SLCO1B1: variants seen among roughly 807,000 people sequenced by gnomAD.
The protein encoded by SLCO1B1 is OATP-2.
Under a neutral mutation model 70.1 loss-of-function variants are expected in SLCO1B1, and 81 were observed. The ratio of observed to expected loss-of-function variants is 1.16; its 90% CI spans 0.97 to 1.39. The LOEUF (loss-of-function observed/expected upper bound fraction) is 1.39, where lower values mean the gene tolerates loss of function less well. Among genes scored for constraint, SLCO1B1 ranks in the 40% most tolerant of loss-of-function variants. The pLI is 0.00. For synonymous variants in SLCO1B1, 283 were observed against 271.5 expected (o/e 1.04, Z -0.42); for missense variants, 895 against 799.6 (o/e 1.12, Z -1.44).
intron 1 of SLCO1B1, among the ~76,000 whole-genome samples, chr12:21,134,381 T>C (rs2121021789): frequency 6.6e-6 from 1 of 152,336 alleles, no homozygotes; most frequent in Non-Finnish European, 1.5e-5. Context: ...TCTTTTTCTA[T>C]TGATTGGAAT....
intron 11 of SLCO1B1, among the ~76,000 whole-genome samples, chr12:21,207,867 AT>A (rs1173195372): frequency 6.6e-6 from 1 of 150,726 alleles, no homozygotes; most frequent in Admixed American, 6.6e-5. Flanking sequence ...TCTCCTTGGG[AT>A]TTTGATTTGC....
chr12:21,178,259 G>A (rs1285296896), intron 5 of SLCO1B1, among the ~76,000 whole-genome samples: 1 of 152,046 alleles, frequency 6.6e-6, no homozygotes, highest in Non-Finnish European at 1.5e-5. Context: ...AAGCTCTCTT[G>A]CCTGCCACCA....
Position 21,202,599 on chromosome 12 carries a change from CT to C in SLCO1B1, c.1245del (p.Val416Ter). Reference sequence around the variant, plus strand: ...ATTGCCAAATTCTCATGTTTTACTGCTGTGATGTCATTGTCCTTTTACCTAT... The same window carrying C: ...ATTGCCAAATTCTCATGTTTTACTGCGTGATGTCATTGTCCTTTTACCTAT... The part of the protein sequence containing the change: ...VGIAKFSCFT[A>X]VMSLSFYLLY... On this transcript the variant is annotated frameshift_variant, in exon 10 of 15. Transcript: ENST00000256958. LOFTEE classifies it high-confidence loss of function. 3 of 1,612,424 alleles carry C rather than the reference CT, an allele frequency of 1.9e-6. No homozygotes were observed. The highest frequency in any genetic ancestry group is 2.5e-6 in the Non-Finnish European group (3 of 1,178,994).
chr12:21,210,018 A>G (rs1941261780), intron 11 of SLCO1B1, among the ~76,000 whole-genome samples: 1 of 149,394 alleles, frequency 6.7e-6, no homozygotes, highest in Admixed American at 6.7e-5. Context: ...TTGCCTGTTC[A>G]CTCTGATGGT....
chr12:21,209,728 C>G (rs1941257005), intron 11 of SLCO1B1, among the ~76,000 whole-genome samples: 2 of 150,864 alleles, frequency 1.3e-5, no homozygotes. Flanking sequence ...CTGTTGTTTC[C>G]TGACTTTTTA....
chr12:21,160,412 C>A (rs909280006), intron 2 of SLCO1B1, among the ~76,000 whole-genome samples: 1 of 151,832 alleles, frequency 6.6e-6, no homozygotes, highest in African/African-American at 2.4e-5. Flanking sequence ...TCTGGGATAA[C>A]TAGCTGGTCA....
In SLCO1B1 at chr12:21,141,502, C is replaced by A; in HGVS notation, c.-61-12C>A. On this transcript the variant is annotated splice_polypyrimidine_tract_variant and intron_variant, in intron 1 of 14. Coordinates refer to ENST00000256958, the MANE Select transcript of SLCO1B1 (RefSeq NM_006446.5). ...AAAAATAAAATAAACTATACTTTTT[C>A]TTCCTTAATAGGTGATTGTTTCAAA... The A allele has an allele frequency of 1.2e-6, 1 of 853,622 alleles. No individual in the cohort carries two copies. Among genetic ancestry groups the A allele is most frequent in the Non-Finnish European group, 2.0e-6 (1 of 504,632 alleles). 52.9% of individuals were successfully genotyped at this position (853,622 alleles called of 1,614,324 possible). A position where few individuals can be genotyped will look rare whatever the true frequency, so the allele number is the denominator to read the frequency against.
At chr12:21,157,305 A>G (rs1429509974) in intron 2 of SLCO1B1, among the ~76,000 whole-genome samples, 6 of 152,172 alleles carry the variant, frequency 3.9e-5, no homozygotes, top group Admixed American at 3.9e-4. Flanking sequence ...AAGTGAGTGT[A>G]AAGTAGAAGA....
chr12:21,157,753 C>CG (rs1487485309), intron 2 of SLCO1B1, among the ~76,000 whole-genome samples: 2 of 151,964 alleles, frequency 1.3e-5, no homozygotes, highest in African/African-American at 2.4e-5. Context: ...AGGCGCCCAC[C>CG]ACCACGCCCA....
At chr12:21,142,479 T>C (rs1940324604) in intron 2 of SLCO1B1, among the ~76,000 whole-genome samples, 2 of 152,070 alleles carry the variant, frequency 1.3e-5, no homozygotes, top group South Asian at 2.1e-4. Context: ...GGTCACCTTT[T>C]ATCAATGTTT....
At chr12:21,222,397 A>AAAAAATATATATAT (rs1555097342) in intron 13 of SLCO1B1, 33 bp downstream of exon 13, 6 of 97,724 alleles carry the variant, frequency 6.1e-5, no homozygotes, top group Non-Finnish European at 8.7e-5. Flanking sequence ...AAAAAAAAAA[A>AAAAAATATATATAT]ATATATATAT....
chr12:21,206,467 A>G (rs967811856), intron 11 of SLCO1B1, among the ~76,000 whole-genome samples: 11 of 151,934 alleles, frequency 7.2e-5, no homozygotes, highest in African/African-American at 2.7e-4. Context: ...GCAATGTTAT[A>G]TACAGATTCT....
intron 2 of SLCO1B1, among the ~76,000 whole-genome samples, chr12:21,148,616 T>A (rs561100456): frequency 7.5e-4 from 114 of 152,042 alleles, no homozygotes; most frequent in Non-Finnish European, 1.3e-3. Context: ...TACTGGAGGC[T>A]TGTAGTATCA....
At chr12:21,144,694 C>T (rs1045404636) in intron 2 of SLCO1B1, among the ~76,000 whole-genome samples, 1 of 152,016 alleles carries the variant, frequency 6.6e-6, no homozygotes, top group Non-Finnish European at 1.5e-5. Flanking sequence ...AAAAGGAGCC[C>T]CATCAGTCTA....
At chr12:21,186,580 T>C (rs1217644759) in intron 7 of SLCO1B1, among the ~76,000 whole-genome samples, 1 of 152,076 alleles carries the variant, frequency 6.6e-6, no homozygotes, top group Non-Finnish European at 1.5e-5. Flanking sequence ...GAAAAAGTTG[T>C]ATTGCTTGAT....
At chr12:21,233,044 CACATA>C (rs1941557849) in intron 14 of SLCO1B1, among the ~76,000 whole-genome samples, 1 of 152,164 alleles carries the variant, frequency 6.6e-6, no homozygotes, top group Non-Finnish European at 1.5e-5. Context: ...TAGCAAAATA[CACATA>C]ACAAAACAGA....
At chr12:21,184,882 A>G (rs1164465961) in intron 7 of SLCO1B1, among the ~76,000 whole-genome samples, 1 of 152,188 alleles carries the variant, frequency 6.6e-6, no homozygotes, top group African/African-American at 2.4e-5. Context: ...TACATGTACA[A>G]TACCCACAGG....
In SLCO1B1 at chr12:21,180,848, T is replaced by C. The variant is rs562655866; in HGVS notation, c.727+1828T>C. 1.4e-3 allele frequency among the ~76,000 whole-genome samples: 207 copies of C among 152,326 alleles called. 1 individual carries two copies. Among genetic ancestry groups the C allele is most frequent in the Non-Finnish European group, 2.4e-3 (161 of 68,030 alleles). ...CTTAGGTTAATTATTTTATAAGCTCTCTAAATAAGAAATTATTACATTATT... is the reference window on the plus strand; with the variant it reads ...CTTAGGTTAATTATTTTATAAGCTCCCTAAATAAGAAATTATTACATTATT... On this transcript the variant is annotated intron_variant, in intron 7 of 14. Transcript: ENST00000256958.
intron 11 of SLCO1B1, 139 bp downstream of exon 11, chr12:21,206,172 A>T: frequency 2.9e-6 from 2 of 701,712 alleles, no homozygotes; most frequent in Non-Finnish European, 4.8e-6. Flanking sequence ...TGTTATTGTG[A>T]TGGGTGTGAT....
Sources: allele counts gnomAD v4.1 joint callset (sites outside exome capture counted in the v4.1 genomes callset), GRCh38; gene constraint gnomAD v4.1.1; transcripts MANE v1.5; gene names NCBI Gene and HGNC (gene_info 2026-07-23, HGNC 2026-07-21).